MSRB3: variants seen among roughly 807,000 people sequenced by gnomAD.
MSRB3 encodes the protein methionine-R-sulfoxide reductase B3.
In MSRB3, 13 loss-of-function variants were observed where a neutral mutation model predicts 21.0. The ratio of observed to expected loss-of-function variants is 0.62; its 90% confidence interval spans 0.40 to 0.98. The LOEUF (loss-of-function observed/expected upper bound fraction) is 0.98. Among genes scored for constraint, MSRB3 ranks in the 50% least tolerant of loss-of-function variants. The probability of loss-of-function intolerance (pLI) is 0.00; values close to 1 mark genes in which losing one functional copy is unlikely to be tolerated. For missense variants in MSRB3, 199 were observed against 230.3 expected (o/e 0.86, Z 0.88); for synonymous variants, 87 against 88.6 (o/e 0.98, Z 0.10).
In MSRB3 at chr12:65,415,905, A is replaced by G. The variant is rs141532992; in HGVS notation, c.293-37823A>G. On this transcript the variant is annotated intron_variant, in intron 5 of 6. Coordinates refer to ENST00000308259, the MANE Select transcript of MSRB3 (RefSeq NM_001031679.3). ...TTATAGTGCCAAGTTGTGGTTTGCA[A>G]ACTCTAAGACCAACACCTAAGGATT... is the stretch of plus-strand genomic sequence containing the variant. Among the ~76,000 whole-genome samples, 17 of 152,252 alleles carry G rather than the reference A, an allele frequency of 1.1e-4. No individual in the cohort carries two copies. The East Asian group carries it at 1.9e-3, about 17-fold the overall frequency.
chr12:65,279,178 C>A (rs1338655870), intron 1 of MSRB3: 3 of 831,256 alleles, frequency 3.6e-6, no homozygotes, highest in Non-Finnish European at 4.8e-6. Context: ...CCTCTCGCCC[C>A]GCGCGGGCCC....
At chr12:65,453,401 G>A (rs1882945581) in intron 5 of MSRB3, among the ~76,000 whole-genome samples, 1 of 152,170 alleles carries the variant, frequency 6.6e-6, no homozygotes, top group Non-Finnish European at 1.5e-5. Flanking sequence ...CATGCTGAGT[G>A]ACTCTGAAGA....
intron 1 of MSRB3, among the ~76,000 whole-genome samples, chr12:65,306,251 T>A (rs1045578004): frequency 3.2e-4 from 49 of 152,222 alleles, no homozygotes; most frequent in Non-Finnish European, 5.9e-4. Flanking sequence ...AAACATGAGC[T>A]AAAATAATTT....
intron 2 of MSRB3, among the ~76,000 whole-genome samples, chr12:65,310,236 C>T (rs575285936): frequency 6.6e-6 from 1 of 152,224 alleles, no homozygotes; most frequent in South Asian, 2.1e-4. Context: ...AGCCCCACAT[C>T]CCCCTGCACT....
At chr12:65,420,868 C>T (rs1301239715) in intron 5 of MSRB3, among the ~76,000 whole-genome samples, 1 of 152,186 alleles carries the variant, frequency 6.6e-6, no homozygotes, top group East Asian at 1.9e-4. Context: ...TCCAATCTAC[C>T]AATGATGGGC....
chr12:65,357,261 A>G (rs1877440195), intron 4 of MSRB3, among the ~76,000 whole-genome samples: 1 of 151,828 alleles, frequency 6.6e-6, no homozygotes, highest in Non-Finnish European at 1.5e-5. Flanking sequence ...TTCAAAATAT[A>G]TCCTGAGTCT....
chr12:65,300,396 A>T (rs1180992446), intron 1 of MSRB3, among the ~76,000 whole-genome samples: 1 of 152,180 alleles, frequency 6.6e-6, no homozygotes, highest in African/African-American at 2.4e-5. Flanking sequence ...GATAGAAGGG[A>T]TGACTAATGA....
chr12:65,424,397 T>G (rs1881472961), intron 5 of MSRB3, among the ~76,000 whole-genome samples: 1 of 152,100 alleles, frequency 6.6e-6, no homozygotes, highest in Non-Finnish European at 1.5e-5. Context: ...AGATGTAACG[T>G]TAGGCTGTTT....
chr12:65,315,846 A>G (rs1168267683), intron 2 of MSRB3, among the ~76,000 whole-genome samples: 4 of 152,290 alleles, frequency 2.6e-5, no homozygotes, highest in South Asian at 2.1e-4. Flanking sequence ...CAAGGAAGGA[A>G]TGGAATGTTA....
chr12:65,342,314 G>T (rs895402926), intron 4 of MSRB3, among the ~76,000 whole-genome samples: 5 of 151,458 alleles, frequency 3.3e-5, no homozygotes, highest in African/African-American at 1.2e-4. Flanking sequence ...ACAAACCTCA[G>T]AAAAATGGGC....
chr12:65,337,168 G>T (rs984550062), intron 4 of MSRB3, among the ~76,000 whole-genome samples: 18 of 152,050 alleles, frequency 1.2e-4, no homozygotes, highest in African/African-American at 4.3e-4. Context: ...GCGTGAACCC[G>T]GAAGGCGGAG....
chr12:65,397,026 G>C (rs552097040), intron 5 of MSRB3, among the ~76,000 whole-genome samples: 106 of 152,068 alleles, frequency 7.0e-4, no homozygotes, highest in Non-Finnish European at 1.4e-3. Flanking sequence ...TTTTTGCCTC[G>C]TGTATTTTGA....
intron 5 of MSRB3, among the ~76,000 whole-genome samples, chr12:65,381,018 G>A (rs1269049648): frequency 6.6e-6 from 1 of 152,138 alleles, no homozygotes; most frequent in East Asian, 1.9e-4. Context: ...CTCGGATTCA[G>A]TAGTCTGTTG....
chr12:65,280,028 G>T (rs1388509808), intron 1 of MSRB3, among the ~76,000 whole-genome samples: 1 of 152,102 alleles, frequency 6.6e-6, no homozygotes, highest in Non-Finnish European at 1.5e-5. Flanking sequence ...ATGAAGCATA[G>T]ATTATATTCA....
intron 4 of MSRB3, among the ~76,000 whole-genome samples, chr12:65,338,628 T>G (rs904585340): frequency 1.6e-4 from 24 of 152,338 alleles, no homozygotes; most frequent in African/African-American, 5.8e-4. Flanking sequence ...TCGAGCCTTT[T>G]TATTATCAAA....
At chr12:65,428,069 T>A (rs1019197929) in intron 5 of MSRB3, among the ~76,000 whole-genome samples, 13 of 152,142 alleles carry the variant, frequency 8.5e-5, no homozygotes, top group South Asian at 2.1e-4. Flanking sequence ...AGTGGCCACT[T>A]CTTGGGTTGG....
At chr12:65,438,331 T>C (rs1882213991) in intron 5 of MSRB3, among the ~76,000 whole-genome samples, 1 of 151,778 alleles carries the variant, frequency 6.6e-6, no homozygotes, top group Non-Finnish European at 1.5e-5. Flanking sequence ...CAAAGAGGTA[T>C]AAATCTTGAA....
chr12:65,321,264 A>G (rs1874645034), intron 2 of MSRB3, among the ~76,000 whole-genome samples: 1 of 152,140 alleles, frequency 6.6e-6, no homozygotes, highest in Non-Finnish European at 1.5e-5. Flanking sequence ...TACTCCAGGA[A>G]AGTATCCTAA....
intron 4 of MSRB3, among the ~76,000 whole-genome samples, chr12:65,342,989 TA>T (rs1290250114): frequency 6.6e-6 from 1 of 152,104 alleles, no homozygotes; most frequent in East Asian, 1.9e-4. Flanking sequence ...TCTGTACTTT[TA>T]AGTTTTTCTA....
Sources: gnomAD v4.1 joint callset for allele counts (sites outside exome capture counted in the v4.1 genomes callset) on GRCh38, gnomAD v4.1.1 for gene constraint, MANE v1.5 for transcripts, NCBI Gene and HGNC (gene_info 2026-07-23, HGNC 2026-07-21) for gene names.